ANO3: variants seen among roughly 807,000 people sequenced by gnomAD.
ANO3 encodes anoctamin 3.
ANO3 carries 99 observed loss-of-function variants against 144.8 expected under a neutral mutation model. That is an observed-to-expected ratio of 0.68 (90% CI 0.58 to 0.81). The LOEUF is 0.81. Among genes scored for constraint, ANO3 ranks in the 30% least tolerant of loss-of-function variants. The pLI, the probability that ANO3 is intolerant of heterozygous loss-of-function variation, is 0.00. For synonymous variants in ANO3, 414 were observed against 392.6 expected, an observed-to-expected ratio of 1.05 and a Z score of -0.64; for missense variants, 905 against 1,202.2, an observed-to-expected ratio of 0.75 and a Z score of 3.66.
chr11:26,396,781 G>A (rs1286889055), intron 1 of ANO3, among the ~76,000 whole-genome samples: 6 of 151,784 alleles, frequency 4.0e-5, no homozygotes, highest in Non-Finnish European at 5.9e-5. Flanking sequence ...ATCACACGTC[G>A]GGGGCCTGTC....
At chr11:26,267,122 A>G (rs975650896) in intron 1 of ANO3, among the ~76,000 whole-genome samples, 1 of 151,156 alleles carries the variant, frequency 6.6e-6, no homozygotes, top group Non-Finnish European at 1.5e-5. Flanking sequence ...AAAGAAAAGA[A>G]AAAGACTTTT....
chr11:26,570,364 G>C (rs1412365373), intron 14 of ANO3, among the ~76,000 whole-genome samples: 1 of 152,010 alleles, frequency 6.6e-6, no homozygotes, highest in Admixed American at 6.6e-5. Flanking sequence ...CACATTCACT[G>C]TCCATATTTT....
At chr11:26,475,516 C>T (rs916593349) in intron 4 of ANO3, among the ~76,000 whole-genome samples, 1 of 151,896 alleles carries the variant, frequency 6.6e-6, no homozygotes, top group African/African-American at 2.4e-5. Flanking sequence ...GTTAAATTAC[C>T]TAGACCAATT....
At chr11:26,331,113 T>C (rs1334021165), upstream of ANO3, among the ~76,000 whole-genome samples, 1 of 152,170 alleles carries the variant, frequency 6.6e-6, no homozygotes, top group Non-Finnish European at 1.5e-5. Flanking sequence ...CAAAAGTTAC[T>C]TCAAAGTGGG....
At chr11:26,539,313 G>T (rs994512755) in intron 10 of ANO3, among the ~76,000 whole-genome samples, 1 of 152,054 alleles carries the variant, frequency 6.6e-6, no homozygotes, top group Non-Finnish European at 1.5e-5. Context: ...CTTCAGAAAG[G>T]CATGAAAGTA....
intron 1 of ANO3, among the ~76,000 whole-genome samples, chr11:26,433,254 C>G (rs1858182440): frequency 6.6e-6 from 1 of 152,090 alleles, no homozygotes; most frequent in Non-Finnish European, 1.5e-5. Context: ...TATCCTGAAA[C>G]TTTGCTAAAA....
intron 14 of ANO3, among the ~76,000 whole-genome samples, chr11:26,576,120 A>G (rs1161207542): frequency 2.0e-5 from 3 of 152,156 alleles, no homozygotes; most frequent in Non-Finnish European, 2.9e-5. Flanking sequence ...ATCACCAAGG[A>G]AGCAGTGTGC....
At chr11:26,222,015 T>C (rs1852155922) in intron 1 of ANO3, among the ~76,000 whole-genome samples, 1 of 152,152 alleles carries the variant, frequency 6.6e-6, no homozygotes, top group South Asian at 2.1e-4. Flanking sequence ...CATTGTAAAA[T>C]ATAATCATCC....
chr11:26,463,295 G>T (rs1274871133), intron 4 of ANO3, 147 bp downstream of exon 4: 4 of 449,238 alleles, frequency 8.9e-6, no homozygotes, highest in Non-Finnish European at 1.2e-5. Context: ...GAAGCAAAAA[G>T]TTGTATATAG....
intron 1 of ANO3, among the ~76,000 whole-genome samples, chr11:26,395,374 G>A (rs557649595): frequency 6.6e-6 from 1 of 152,198 alleles, no homozygotes; most frequent in Admixed American, 6.5e-5. Context: ...GGGCAGTATG[G>A]CCATTTTCAC....
intron 14 of ANO3, chr11:26,565,869 T>C: frequency 6.3e-7 from 1 of 1,585,264 alleles, no homozygotes; most frequent in Non-Finnish European, 8.5e-7. Flanking sequence ...TGTAGGCTTC[T>C]TTGGTATTGG....
At chr11:26,303,063 G>C (rs1367938736) in intron 1 of ANO3, among the ~76,000 whole-genome samples, 1 of 151,978 alleles carries the variant, frequency 6.6e-6, no homozygotes, top group African/African-American at 2.4e-5. Context: ...TGAGGCTTCA[G>C]ATAAAAGGGA....
At chr11:26,541,024 T>C (rs1272497943) in intron 10 of ANO3, among the ~76,000 whole-genome samples, 3 of 152,150 alleles carry the variant, frequency 2.0e-5, no homozygotes, top group African/African-American at 4.8e-5. Flanking sequence ...ATATTCACAA[T>C]AGCAAAGACT....
Position 26,393,948 on chromosome 11 carries a change from G to A in ANO3, c.47-47970G>A, listed in dbSNP as rs1182768467. On this transcript the variant is annotated intron_variant, in intron 1 of 26. Coordinates refer to ENST00000256737, the MANE Select transcript of ANO3 (RefSeq NM_031418.4). ...TAAATTTACATTCAAGTCAATCTAC[G>A]GACATATTCGGTTGGTTTGCAAATG... 2.6e-5 allele frequency among the ~76,000 whole-genome samples: 4 copies of A among 152,058 alleles called. No homozygotes were observed. The East Asian group carries it at 5.8e-4, about 22-fold the overall frequency.
chr11:26,370,329 C>A (rs1856213993), intron 1 of ANO3, among the ~76,000 whole-genome samples: 1 of 152,148 alleles, frequency 6.6e-6, no homozygotes. Flanking sequence ...CTTCCCCTTC[C>A]ACAATGATTA....
intron 1 of ANO3, among the ~76,000 whole-genome samples, chr11:26,349,629 A>T (rs1855585791): frequency 6.6e-6 from 1 of 151,948 alleles, no homozygotes; most frequent in Non-Finnish European, 1.5e-5. Flanking sequence ...GCTCACTGCA[A>T]GCTCCGCCTC....
chr11:26,433,131 T>C (rs1414335531), intron 1 of ANO3, among the ~76,000 whole-genome samples: 1 of 152,168 alleles, frequency 6.6e-6, no homozygotes, highest in Non-Finnish European at 1.5e-5. Context: ...GTTAGCTGTA[T>C]TCCTAGGTAT....
chr11:26,545,713 T>TA (rs5790585), intron 11 of ANO3, among the ~76,000 whole-genome samples: 196 of 149,002 alleles, frequency 1.3e-3, no homozygotes, highest in African/African-American at 3.2e-3. Context: ...GCACAAATAT[T>TA]AAAAAAAAAA....
intron 21 of ANO3, 101 bp from the exon 22 acceptor site, chr11:26,641,791 TCCGA>T: frequency 8.2e-7 from 1 of 1,213,010 alleles, no homozygotes; most frequent in Non-Finnish European, 1.1e-6. Context: ...TACCTCCAAT[TCCGA>T]GGAGCTGGAA....
Sources: allele counts gnomAD v4.1 joint callset (sites outside exome capture counted in the v4.1 genomes callset), GRCh38; gene constraint gnomAD v4.1.1; transcripts MANE v1.5; gene names NCBI Gene and HGNC (gene_info 2026-07-23, HGNC 2026-07-21).